The following PARD6G variants were observed in gnomAD, a reference collection of about 807,000 sequenced individuals.
PARD6G encodes the protein partitioning defective 6 homolog gamma.
In PARD6G, 7 loss-of-function variants were observed where a neutral mutation model predicts 10.7. The observed-to-expected ratio is 0.66, with a 90% CI of 0.37 to 1.23. PARD6G has a LOEUF of 1.23. Ranked by LOEUF, PARD6G falls within the 50% of genes most tolerant of loss-of-function variation. The pLI is 0.02. For synonymous variants in PARD6G, 287 were observed against 269.4 expected (o/e 1.07, Z -0.64); for missense variants, 548 against 571.8 (o/e 0.96, Z 0.42).
At chr18:80,164,760 C>G (rs1378861875) in intron 2 of PARD6G, among the ~76,000 whole-genome samples, 1 of 152,288 alleles carries the variant, frequency 6.6e-6, no homozygotes, top group East Asian at 1.9e-4. Flanking sequence ...ATGACATCAC[C>G]TATCGGTAGG....
chr18:80,221,534 A>G (rs1006961964), intron 1 of PARD6G, among the ~76,000 whole-genome samples: 1 of 152,222 alleles, frequency 6.6e-6, no homozygotes, highest in African/African-American at 2.4e-5. Context: ...TCAACAAACT[A>G]GGAATAGAAA....
chr18:80,169,011 T>A (rs1307955352), intron 2 of PARD6G: 3 of 169,254 alleles, frequency 1.8e-5, no homozygotes, highest in Non-Finnish European at 4.4e-5. Flanking sequence ...AGGTGCCTCT[T>A]CCAAAGGTTT....
intron 2 of PARD6G, among the ~76,000 whole-genome samples, chr18:80,190,745 T>C (rs1366309356): frequency 1.3e-5 from 2 of 152,198 alleles, no homozygotes; most frequent in African/African-American, 2.4e-5. Context: ...GTTGGGGGCT[T>C]AGGAAGCCTA....
intron 2 of PARD6G, among the ~76,000 whole-genome samples, chr18:80,174,754 A>T (rs2052798351): frequency 1.3e-5 from 2 of 152,108 alleles, no homozygotes; most frequent in African/African-American, 4.8e-5. Flanking sequence ...GGAGATCGAG[A>T]CCATCCTGGC....
chr18:80,214,820 AACTTTTCATTTGAT>A (rs1180280988), intron 1 of PARD6G, among the ~76,000 whole-genome samples: 1 of 152,202 alleles, frequency 6.6e-6, no homozygotes, highest in Non-Finnish European at 1.5e-5. Context: ...TTTTCCATTA[AACTTTTCATTTGAT>A]GAAAAATTAA....
Position 80,235,749 on chromosome 18 carries a change from A to G in PARD6G, c.72+11528T>C, listed in dbSNP as rs139992066. ...CACCTCTACACAAACTAGAAAATCT[A>G]GAAGAAATGGATAAATTCCTCGACA... On this transcript the variant is annotated intron_variant, in intron 1 of 2. Coordinates refer to ENST00000353265, the MANE Select transcript of PARD6G (RefSeq NM_032510.4). Among the ~76,000 whole-genome samples the G allele has an allele frequency of 6.5e-3, 988 of 152,358 alleles. 12 individuals are homozygous for G. Among genetic ancestry groups the G allele is most frequent in the African/African-American group, 0.023 (945 of 41,586 alleles).
chr18:80,179,597 G>C (rs986940716), intron 2 of PARD6G, among the ~76,000 whole-genome samples: 5 of 152,200 alleles, frequency 3.3e-5, no homozygotes, highest in Non-Finnish European at 7.3e-5. Flanking sequence ...AAGACTTGCA[G>C]AGCCAAGAGG....
chr18:80,230,341 C>T (rs780619493), intron 1 of PARD6G, among the ~76,000 whole-genome samples: 3 of 152,228 alleles, frequency 2.0e-5, no homozygotes, highest in Non-Finnish European at 4.4e-5. Context: ...GAGAGTGCAA[C>T]AGGTCTTAAA....
intron 1 of PARD6G, among the ~76,000 whole-genome samples, chr18:80,211,148 A>C (rs543262224): frequency 6.6e-6 from 1 of 152,316 alleles, no homozygotes; most frequent in Non-Finnish European, 1.5e-5. Flanking sequence ...GCTTGAAATT[A>C]GATCCTCTGC....
At position 80,226,151 on chromosome 18, in the gene PARD6G, GTT is replaced by G. The variant is rs10606939; in HGVS notation, c.72+21124_72+21125del. 2.7e-3 allele frequency among the ~76,000 whole-genome samples: 210 copies of G among 76,394 alleles called. 13 individuals carry two copies. Among genetic ancestry groups the G allele is most frequent in the South Asian group, 3.8e-3 (8 of 2,102 alleles). 50.1% of individuals were successfully genotyped at this position (76,394 alleles called of 152,430 possible). On this transcript the variant is annotated intron_variant, in intron 1 of 2. Transcript: ENST00000353265. ...TCCCCACAGGTAACCAATGACTTCA[GTT>G]TTTTTTTTTTTTTTTTTTTTTTTTT...
rs980173303 is a variant in PARD6G at position 80,182,380 on chromosome 18, C to T, written c.295+20330G>A. Among the ~76,000 whole-genome samples, 11 of 152,180 alleles carry T rather than the reference C, an allele frequency of 7.2e-5. No individual in the cohort carries two copies. Among genetic ancestry groups the T allele is most frequent in the Admixed American group, 7.2e-4 (11 of 15,278 alleles). On this transcript the variant is annotated intron_variant, in intron 2 of 2. Transcript: ENST00000353265. The surrounding 1 kb of genome is among the most constrained non-coding windows in gnomAD (Gnocchi z 4.5). ...CATGGACAGTGAGGGTGTGACAGGC[C>T]CTGAAGAACAGGTTCTGTGTCCACT...
At chr18:80,176,297 C>T (rs944861483) in intron 2 of PARD6G, among the ~76,000 whole-genome samples, 1 of 152,178 alleles carries the variant, frequency 6.6e-6, no homozygotes, top group Non-Finnish European at 1.5e-5. Context: ...TGTGTCTCTA[C>T]CTGAAAGAGC....
At chr18:80,164,346 A>G (rs1164864897) in intron 2 of PARD6G, among the ~76,000 whole-genome samples, 1 of 152,190 alleles carries the variant, frequency 6.6e-6, no homozygotes, top group Non-Finnish European at 1.5e-5. Context: ...AACTACTGCA[A>G]ATCCCTCCCC....
chr18:80,234,720 A>T (rs1316734269), intron 1 of PARD6G, among the ~76,000 whole-genome samples: 1 of 152,016 alleles, frequency 6.6e-6, no homozygotes, highest in Non-Finnish European at 1.5e-5. Context: ...GACTGGTGAG[A>T]CTCACCAGTC....
intron 1 of PARD6G, among the ~76,000 whole-genome samples, chr18:80,214,077 C>G (rs925973010): frequency 7.9e-5 from 12 of 152,130 alleles, no homozygotes; most frequent in African/African-American, 2.9e-4. Context: ...AGATGTTGTA[C>G]TTCCTAGGCA....
intron 2 of PARD6G, among the ~76,000 whole-genome samples, chr18:80,166,695 G>A (rs982333618): frequency 2.0e-5 from 3 of 151,394 alleles, no homozygotes; most frequent in Non-Finnish European, 2.9e-5. Context: ...CTCAGAGCAC[G>A]AGACAGTCCA....
At chr18:80,214,826 T>A (rs1416459971) in intron 1 of PARD6G, among the ~76,000 whole-genome samples, 1 of 152,172 alleles carries the variant, frequency 6.6e-6, no homozygotes, top group East Asian at 1.9e-4. Context: ...ATTAAACTTT[T>A]CATTTGATGA....
intron 1 of PARD6G, among the ~76,000 whole-genome samples, chr18:80,225,809 CAA>C (rs1422495062): frequency 6.6e-6 from 1 of 152,076 alleles, no homozygotes. Context: ...ACAACACATA[CAA>C]AGAGGAAAGT....
At position 80,183,185 on chromosome 18, in the gene PARD6G, G is replaced by C; in HGVS notation, c.295+19525C>G. ...AATTAGTGAAGAAGTGGAGGGCCTTGCAATGTGAAAGGGTGGGAGAGAGAA... is the reference window on the plus strand; with the variant it reads ...AATTAGTGAAGAAGTGGAGGGCCTTCCAATGTGAAAGGGTGGGAGAGAGAA... On this transcript the variant is annotated intron_variant, in intron 2 of 2. Coordinates refer to ENST00000353265, the MANE Select transcript of PARD6G (RefSeq NM_032510.4). The surrounding 1 kb of genome is among the most constrained non-coding windows in gnomAD (Gnocchi z 4.5). The C allele has an allele frequency of 1.4e-6, 1 of 702,968 alleles. No homozygotes were observed. Among genetic ancestry groups the C allele is most frequent in the Non-Finnish European group, 2.6e-6 (1 of 384,996 alleles). 43.5% of individuals were successfully genotyped at this position (702,968 alleles called of 1,614,324 possible).
Sources: allele counts gnomAD v4.1 joint callset (sites outside exome capture counted in the v4.1 genomes callset), GRCh38; gene constraint gnomAD v4.1.1; non-coding constraint Gnocchi (gnomAD v3.1); transcripts MANE v1.5; gene names NCBI Gene and HGNC (gene_info 2026-07-23, HGNC 2026-07-21).